The following NRP2 variants were observed in gnomAD, a reference collection of about 807,000 sequenced individuals.
NRP2 encodes the protein neuropilin 2.
Under a neutral mutation model 110.4 loss-of-function variants are expected in NRP2, and 52 were observed. That is an observed-to-expected ratio of 0.47 (90% CI 0.38 to 0.59). The LOEUF (loss-of-function observed/expected upper bound fraction) is 0.59. Ranked by LOEUF, NRP2 falls within the 20% of genes least tolerant of loss-of-function variation. NRP2 has a pLI of 0.00. For synonymous variants in NRP2, 508 were observed against 468.9 expected, an observed-to-expected ratio of 1.08 and a Z score of -1.08; for missense variants, 1,049 against 1,203.0, an observed-to-expected ratio of 0.87 and a Z score of 1.89.
chr2:205,749,752 G>T lies in NRP2; in HGVS notation c.1814G>T (p.Gly605Val). ...TDSKPTVETL[G>V]PTVKSEETTT... ...TCCAAGCCCACGGTAGAGACGCTGGGACCCACTGTGAAGAGCGAAGAGACA... is the reference window on the plus strand; with the variant it reads ...TCCAAGCCCACGGTAGAGACGCTGGTACCCACTGTGAAGAGCGAAGAGACA... The change falls in exon 11 of 17, where the codon GGA (glycine) becomes GTA (valine). Residue 605 changes from glycine to valine, a missense_variant. Physicochemically the swap from Gly to Val is moderately radical, Grantham distance 109. Transcript: ENST00000357785. 6.2e-7 allele frequency: 1 copy of T among 1,614,134 alleles called. No individual in the cohort carries two copies. The highest frequency in any genetic ancestry group is 2.2e-5 in the East Asian group (1 of 44,878).
chr2:205,776,156 ATG>A, intron 15 of NRP2: 3 of 1,271,144 alleles, frequency 2.4e-6, no homozygotes, highest in Non-Finnish European at 3.4e-6. Context: ...GTCCCAAAGC[ATG>A]TGTGTGTTTC....
intron 2 of NRP2, 136 bp downstream of exon 2, chr2:205,697,857 G>C (rs1050440194): frequency 1.6e-4 from 143 of 897,336 alleles, no homozygotes; most frequent in Non-Finnish European, 2.5e-4. Context: ...GGCCCCAGAG[G>C]AAAACCTCAA....
At chr2:205,698,603 G>T (rs1410187738) in intron 2 of NRP2, among the ~76,000 whole-genome samples, 1 of 152,220 alleles carries the variant, frequency 6.6e-6, no homozygotes, top group Non-Finnish European at 1.5e-5. Flanking sequence ...AGGTTGGGAA[G>T]CAGGCAGCAT....
chr2:205,788,554 C>T lies in NRP2; in HGVS notation c.2426-3681C>T, dbSNP rs529004823. On this transcript the variant is annotated intron_variant, in intron 15 of 16. Coordinates refer to ENST00000357785, the MANE Select transcript of NRP2 (RefSeq NM_003872.3). ...AGCCAAAAGACAAGAGATCAGGTGC[C>T]ATGTTTGAAAGCATTTCTATCAATC... Among the ~76,000 whole-genome samples the T allele has an allele frequency of 2.9e-3, 426 of 147,598 alleles. 1 individual carries two copies. The highest frequency in any genetic ancestry group is 0.01 in the African/African-American group (402 of 39,000).
intron 16 of NRP2, 58 bp from the exon 17 acceptor site, chr2:205,794,696 T>C (rs752625284): frequency 1.3e-6 from 2 of 1,577,658 alleles, no homozygotes; most frequent in Non-Finnish European, 8.7e-7. Flanking sequence ...GGAGGCTCAG[T>C]CACTTCACCC....
At chr2:205,702,025 C>G (rs1341264789) in intron 2 of NRP2, among the ~76,000 whole-genome samples, 1 of 152,226 alleles carries the variant, frequency 6.6e-6, no homozygotes, top group Non-Finnish European at 1.5e-5. Flanking sequence ...CTTCCCAGGC[C>G]TCAGTTTCCT....
At chr2:205,696,301 G>C (rs2105884904) in intron 1 of NRP2, among the ~76,000 whole-genome samples, 1 of 152,328 alleles carries the variant, frequency 6.6e-6, no homozygotes, top group East Asian at 1.9e-4. Context: ...CCCTCAAAGA[G>C]TGAACACAGG....
chr2:205,706,177 C>A (rs938929288), intron 2 of NRP2, among the ~76,000 whole-genome samples: 2 of 151,830 alleles, frequency 1.3e-5, no homozygotes, highest in Non-Finnish European at 2.9e-5. Flanking sequence ...AGAGTGTCAG[C>A]GGAAGTAATT....
chr2:205,712,363 T>C (rs1201493192), intron 2 of NRP2, among the ~76,000 whole-genome samples: 2 of 152,246 alleles, frequency 1.3e-5, no homozygotes, highest in East Asian at 3.8e-4. Context: ...AGCTGGTTTA[T>C]GTTGCCTTCT....
At chr2:205,792,087 A>G in intron 15 of NRP2, 148 bp from the exon 16 acceptor site, 1 of 647,308 alleles carries the variant, frequency 1.5e-6, no homozygotes. Context: ...CAATCCAGTA[A>G]TGTCCATAAT....
chr2:205,720,673 A>G (rs1298983956), intron 3 of NRP2, among the ~76,000 whole-genome samples: 1 of 152,218 alleles, frequency 6.6e-6, no homozygotes, highest in African/African-American at 2.4e-5. Flanking sequence ...AACCTTTTCA[A>G]AATTCCTCTT....
At chr2:205,766,311 G>C (rs1210605342) in intron 14 of NRP2, among the ~76,000 whole-genome samples, 1 of 152,130 alleles carries the variant, frequency 6.6e-6, no homozygotes, top group Non-Finnish European at 1.5e-5. Context: ...CCCTGAGAAG[G>C]CATGAGGGTT....
chr2:205,709,404 C>T (rs1392413338), intron 2 of NRP2, among the ~76,000 whole-genome samples: 1 of 152,176 alleles, frequency 6.6e-6, no homozygotes, highest in Admixed American at 6.5e-5. Flanking sequence ...CAGGTGCTTC[C>T]TTAAGGCATC....
At chr2:205,700,920 C>T (rs1035548776) in intron 2 of NRP2, 3 of 337,014 alleles carry the variant, frequency 8.9e-6, no homozygotes, top group African/African-American at 6.5e-5. Flanking sequence ...ACTCCTGCAG[C>T]CAAAGGACAA....
chr2:205,735,385 G>A (rs1374220176), intron 7 of NRP2, among the ~76,000 whole-genome samples: 1 of 151,706 alleles, frequency 6.6e-6, no homozygotes, highest in East Asian at 1.9e-4. Context: ...GTGGGAAGCA[G>A]AGAAAATGTT....
intron 11 of NRP2, among the ~76,000 whole-genome samples, chr2:205,750,173 C>A (rs1437320060): frequency 6.6e-6 from 1 of 152,224 alleles, no homozygotes; most frequent in Non-Finnish European, 1.5e-5. Context: ...AAAGGAGAAC[C>A]ATTCTTATCC....
intron 15 of NRP2, among the ~76,000 whole-genome samples, chr2:205,772,289 A>G (rs1320376606): frequency 7.9e-5 from 12 of 152,260 alleles, no homozygotes; most frequent in Admixed American, 7.8e-4. Context: ...CCAATTGCAT[A>G]GTGACCCTAT....
intron 2 of NRP2, among the ~76,000 whole-genome samples, chr2:205,711,322 T>C (rs1225115268): frequency 6.6e-6 from 1 of 152,172 alleles, no homozygotes; most frequent in Non-Finnish European, 1.5e-5. Context: ...AGACAGATCA[T>C]AAACAAATAG....
At chr2:205,724,065 C>T in intron 5 of NRP2, 125 bp downstream of exon 5, 1 of 1,108,108 alleles carries the variant, frequency 9.0e-7, no homozygotes, top group Non-Finnish European at 1.3e-6. Flanking sequence ...ATGGTGGCAT[C>T]TGAGTTTAGA....
Sources: gnomAD v4.1 joint callset for allele counts (sites outside exome capture counted in the v4.1 genomes callset) on GRCh38, gnomAD v4.1.1 for gene constraint, MANE v1.5 for transcripts, NCBI Gene and HGNC (gene_info 2026-07-23, HGNC 2026-07-21) for gene names.